The following CNTNAP5 variants were observed in gnomAD, a reference collection of about 807,000 sequenced individuals.
The protein encoded by CNTNAP5 is contactin-associated protein-like 5.
Under a neutral mutation model 150.2 loss-of-function variants are expected in CNTNAP5, and 72 were observed. The ratio of observed to expected loss-of-function variants is 0.48; its 90% CI spans 0.40 to 0.58. CNTNAP5 has a LOEUF of 0.58. CNTNAP5 is among the 20% of genes least tolerant of loss of function. The pLI, the probability that CNTNAP5 is intolerant of heterozygous loss-of-function variation, is 0.00. For synonymous variants in CNTNAP5, 672 were observed against 619.8 expected (o/e 1.08, Z -1.25); for missense variants, 1,636 against 1,626.2 (o/e 1.01, Z -0.10).
In CNTNAP5 at chr2:124,742,653, T is replaced by C. The variant is rs73953195; in HGVS notation, c.2078-4576T>C. Among the ~76,000 whole-genome samples, 782 of 113,730 alleles carry C rather than the reference T, an allele frequency of 6.9e-3. 5 individuals carry two copies. Among genetic ancestry groups the C allele is most frequent in the African/African-American group, 0.018 (546 of 29,594 alleles). 74.6% of individuals were successfully genotyped at this position (113,730 alleles called of 152,430 possible). A position where few individuals can be genotyped will look rare whatever the true frequency, so the allele number is the denominator to read the frequency against. ...ACACACACACACACACACACACACA[T>C]ATATATATATATGTAATTTGAGTTT... On this transcript the variant is annotated intron_variant, in intron 13 of 23. Transcript: ENST00000682447.
intron 4 of CNTNAP5, among the ~76,000 whole-genome samples, chr2:124,419,616 C>T (rs955811774): frequency 1.3e-5 from 2 of 152,108 alleles, no homozygotes; most frequent in Non-Finnish European, 2.9e-5. Context: ...GTGCATCTTC[C>T]AATGGGATAA....
chr2:124,844,494 G>A (rs941621256), intron 19 of CNTNAP5, among the ~76,000 whole-genome samples: 2 of 151,896 alleles, frequency 1.3e-5, no homozygotes, highest in Non-Finnish European at 2.9e-5. Flanking sequence ...TGCCTATGTG[G>A]GCTATTTTTT....
At chr2:124,524,240 C>T (rs1694913748) in intron 8 of CNTNAP5, 63 bp from the exon 9 acceptor site, 1 of 1,551,618 alleles carries the variant, frequency 6.4e-7, no homozygotes, top group Non-Finnish European at 8.9e-7. Flanking sequence ...GGGAAATGAG[C>T]CCCCTCTCTC....
chr2:124,497,986 A>T (rs1694191020), intron 7 of CNTNAP5, among the ~76,000 whole-genome samples: 1 of 152,156 alleles, frequency 6.6e-6, no homozygotes, highest in Non-Finnish European at 1.5e-5. Context: ...GAGGAAGTAA[A>T]CCTTCTGCCA....
chr2:124,395,595 C>G (rs1370233359), intron 3 of CNTNAP5, among the ~76,000 whole-genome samples: 1 of 151,998 alleles, frequency 6.6e-6, no homozygotes, highest in African/African-American at 2.4e-5. Flanking sequence ...GTGGAACTAG[C>G]AATAACAGTA....
chr2:124,148,877 C>T (rs6756291), intron 1 of CNTNAP5, among the ~76,000 whole-genome samples: 20,357 of 149,736 alleles, frequency 0.14, 1,466 homozygotes, highest in Middle Eastern at 0.23. Context: ...TATATATATA[C>T]ACACACACAT....
intron 13 of CNTNAP5, among the ~76,000 whole-genome samples, chr2:124,715,888 G>A (rs1241829567): frequency 6.6e-6 from 1 of 152,070 alleles, no homozygotes; most frequent in African/African-American, 2.4e-5. Context: ...TGACTACCAA[G>A]TCCCCTTCTC....
intron 11 of CNTNAP5, among the ~76,000 whole-genome samples, chr2:124,591,941 T>A (rs895036911): frequency 1.3e-5 from 2 of 152,158 alleles, no homozygotes; most frequent in Non-Finnish European, 2.9e-5. Context: ...TACAAATAAG[T>A]TCATACCCCC....
intron 13 of CNTNAP5, among the ~76,000 whole-genome samples, chr2:124,666,778 C>T (rs762103057): frequency 1.3e-5 from 2 of 152,170 alleles, no homozygotes; most frequent in Non-Finnish European, 1.5e-5. Context: ...CTGCAAGTGC[C>T]CATGGCTGCA....
intron 1 of CNTNAP5, among the ~76,000 whole-genome samples, chr2:124,099,580 T>G (rs1683017690): frequency 6.6e-6 from 1 of 152,180 alleles, no homozygotes. Flanking sequence ...TCGAGCCGTA[T>G]GTACTAGTTC....
rs575059278 is a variant in CNTNAP5, at chr2:124,108,861, C to T, written c.82+83129C>T. 6.3e-4 allele frequency among the ~76,000 whole-genome samples: 96 copies of T among 152,256 alleles called. 3 individuals carry two copies. The highest frequency in any genetic ancestry group is 5.4e-3 in the South Asian group (26 of 4,826). Reference sequence around the variant, plus strand: ...TTTTATCTAACTTGAGTTTATAAGGCTCATGTGTGCTCCTTACAGGGGATA... The same window carrying T: ...TTTTATCTAACTTGAGTTTATAAGGTTCATGTGTGCTCCTTACAGGGGATA... On this transcript the variant is annotated intron_variant, in intron 1 of 23. Coordinates refer to ENST00000682447, the MANE Select transcript of CNTNAP5 (RefSeq NM_001367498.1).
chr2:124,492,171 A>G (rs945077887), intron 7 of CNTNAP5, among the ~76,000 whole-genome samples: 8 of 151,990 alleles, frequency 5.3e-5, no homozygotes, highest in African/African-American at 1.7e-4. Context: ...TTTTAGTGTA[A>G]TATCCAAAAT....
At chr2:124,736,839 T>C (rs1243289498) in intron 13 of CNTNAP5, among the ~76,000 whole-genome samples, 2 of 152,322 alleles carry the variant, frequency 1.3e-5, no homozygotes, top group African/African-American at 4.8e-5. Context: ...TCAGCAAATA[T>C]GTAGTTAGTT....
intron 6 of CNTNAP5, among the ~76,000 whole-genome samples, chr2:124,465,385 C>A (rs939431049): frequency 6.2e-5 from 9 of 145,544 alleles, no homozygotes; most frequent in Non-Finnish European, 1.0e-4. Flanking sequence ...GAAAGGCACA[C>A]CATTCAATGA....
At chr2:124,538,856 C>T (rs993043556) in intron 10 of CNTNAP5, among the ~76,000 whole-genome samples, 2 of 152,132 alleles carry the variant, frequency 1.3e-5, no homozygotes, top group African/African-American at 4.8e-5. Context: ...GTATTGATTC[C>T]TTTACATGAT....
intron 7 of CNTNAP5, among the ~76,000 whole-genome samples, chr2:124,486,555 C>G (rs1243275430): frequency 1.3e-5 from 2 of 152,158 alleles, no homozygotes; most frequent in Non-Finnish European, 2.9e-5. Flanking sequence ...CTCTTTTCTT[C>G]TTTTAAAAAT....
chr2:124,637,332 A>G (rs74409211), intron 12 of CNTNAP5, among the ~76,000 whole-genome samples: 9,204 of 152,272 alleles, frequency 0.06, 307 homozygotes, highest in African/African-American at 0.076. Flanking sequence ...TGGAGATTAA[A>G]AGACAGTTGT....
intron 11 of CNTNAP5, among the ~76,000 whole-genome samples, chr2:124,600,139 A>G (rs774492127): frequency 2.0e-5 from 3 of 152,200 alleles, no homozygotes; most frequent in Non-Finnish European, 4.4e-5. Context: ...TGAATTGCAC[A>G]TGTGTGTTTA....
intron 3 of CNTNAP5, among the ~76,000 whole-genome samples, chr2:124,382,903 T>C (rs1342942945): frequency 6.6e-6 from 1 of 152,196 alleles, no homozygotes; most frequent in Non-Finnish European, 1.5e-5. Flanking sequence ...GAAAAAGATT[T>C]TTTTTTCTTT....
Sources: gnomAD v4.1 joint callset for allele counts (sites outside exome capture counted in the v4.1 genomes callset) on GRCh38, gnomAD v4.1.1 for gene constraint, MANE v1.5 for transcripts, NCBI Gene and HGNC (gene_info 2026-07-23, HGNC 2026-07-21) for gene names.